The following KIF26B variants were observed in gnomAD, a reference collection of about 807,000 sequenced individuals.
KIF26B encodes kinesin family member 26B.
Under a neutral mutation model 151.2 loss-of-function variants are expected in KIF26B, and 63 were observed. The observed-to-expected ratio is 0.42, with a 90% CI of 0.34 to 0.51. KIF26B has a LOEUF of 0.51. Ranked by LOEUF, KIF26B falls within the 20% of genes least tolerant of loss-of-function variation. The pLI is 0.07. For missense variants in KIF26B, 2,813 were observed against 2,913.6 expected (o/e 0.97, Z 0.79); for synonymous variants, 1,357 against 1,262.1 (o/e 1.08, Z -1.59).
At chr1:245,379,638 A>G (rs1673357076) in intron 3 of KIF26B, among the ~76,000 whole-genome samples, 1 of 151,872 alleles carries the variant, frequency 6.6e-6, no homozygotes, top group South Asian at 2.1e-4. Flanking sequence ...TTCTTTTAAA[A>G]TTATTATATA....
chr1:245,165,879 G>A (rs533526704), intron 2 of KIF26B, among the ~76,000 whole-genome samples: 7 of 152,194 alleles, frequency 4.6e-5, no homozygotes, highest in Admixed American at 6.5e-5. Flanking sequence ...CTGGTGCCCT[G>A]GAGAAAGCCA....
At position 245,694,577 on chromosome 1, in the gene KIF26B, T is replaced by C. The variant is rs189039406; in HGVS notation, c.5825-3529T>C. 2.0e-5 allele frequency among the ~76,000 whole-genome samples: 3 copies of C among 152,192 alleles called. No homozygotes were observed. In the East Asian group the frequency reaches 5.8e-4, roughly 30 times the overall value. On this transcript the variant is annotated intron_variant, in intron 12 of 14. Coordinates refer to ENST00000407071, the MANE Select transcript of KIF26B (RefSeq NM_018012.4). ...GGACTTCTGTCTGGACTCAGGGATG[T>C]TAAGAGTAGAAGGCCCAATGTCAGC...
At chr1:245,671,555 G>A (rs2044286594) in intron 10 of KIF26B, among the ~76,000 whole-genome samples, 1 of 152,184 alleles carries the variant, frequency 6.6e-6, no homozygotes, top group Non-Finnish European at 1.5e-5. Flanking sequence ...AGGATGTGAT[G>A]GTTGCACAAC....
chr1:245,288,195 A>G (rs1335793846), intron 2 of KIF26B, among the ~76,000 whole-genome samples: 1 of 152,116 alleles, frequency 6.6e-6, no homozygotes, highest in Non-Finnish European at 1.5e-5. Flanking sequence ...TGAGGCCATC[A>G]TGTTCCATTC....
At chr1:245,677,696 T>G (rs1044882774) in intron 10 of KIF26B, among the ~76,000 whole-genome samples, 2 of 152,214 alleles carry the variant, frequency 1.3e-5, no homozygotes, top group Non-Finnish European at 2.9e-5. Context: ...GCGTCCAAAG[T>G]CTTGCCTCAA....
At chr1:245,447,977 A>C (rs190379175) in intron 4 of KIF26B, among the ~76,000 whole-genome samples, 1 of 152,256 alleles carries the variant, frequency 6.6e-6, no homozygotes, top group Admixed American at 6.5e-5. Flanking sequence ...CTGCTACCCT[A>C]CCACCAGCTC....
chr1:245,609,526 C>A lies in KIF26B; in HGVS notation c.1912C>A (p.Gln638Lys). Reference sequence around the variant, plus strand: ...CTGTGAGGACCCCATCTGCGGCACGCAGGTGATTGCTTCTGAAGCCTGGCT... The same window carrying A: ...CTGTGAGGACCCCATCTGCGGCACGAAGGTGATTGCTTCTGAAGCCTGGCT... ...YLCEDPICGT[Q>K]LQNQSELRAP... Residue 638 changes from glutamine (Q) to lysine (K), a missense_variant and splice_region_variant, in exon 8 of 15, where the codon CAG becomes AAG. Around this residue, in one of 3 missense-constraint regions of KIF26B, gnomAD observed 2,060 missense variants for 2,088.6 expected, o/e 0.99. Transcript: ENST00000407071. The A allele has an allele frequency of 6.5e-7, 1 of 1,536,000 alleles. No individual in the cohort carries two copies. The highest frequency in any genetic ancestry group is 8.8e-7 in the Non-Finnish European group (1 of 1,139,990).
chr1:245,621,544 T>G (rs1252169774), intron 9 of KIF26B, among the ~76,000 whole-genome samples: 1 of 152,188 alleles, frequency 6.6e-6, no homozygotes, highest in Non-Finnish European at 1.5e-5. Context: ...AAATATTGCA[T>G]ATTAGAATAT....
rs750021992 is a variant in KIF26B at position 245,686,292 on chromosome 1, A to G, written c.3309A>G (p.Pro1103=). The change falls in exon 12 of 15, where the codon CCA becomes CCG. Residue 1103 remains proline (P), a synonymous_variant. Coordinates refer to ENST00000407071, the MANE Select transcript of KIF26B (RefSeq NM_018012.4). The surrounding 1 kb of genome is among the most constrained non-coding windows in gnomAD (Gnocchi z 5.6). ...AGGGGGTCCTGCCGTCTCCCGCCCC[A>G]CTGCCTCCCTCGAGCAAGGATTCCG... is the stretch of plus-strand genomic sequence containing the variant. ...TQKGVLPSPA[P]LPPSSKDSGV... is the part of the protein sequence containing the mutation. 19 of 1,612,868 alleles carry G rather than the reference A, an allele frequency of 1.2e-5. No homozygotes were observed. Among genetic ancestry groups the G allele is most frequent in the Non-Finnish European group, 4.2e-6 (5 of 1,179,876 alleles).
intron 3 of KIF26B, among the ~76,000 whole-genome samples, chr1:245,413,321 T>A (rs1472275755): frequency 6.6e-6 from 1 of 152,174 alleles, no homozygotes; most frequent in Non-Finnish European, 1.5e-5. Context: ...AGAGAAGAAA[T>A]AAATTCCTAA....
intron 3 of KIF26B, among the ~76,000 whole-genome samples, chr1:245,377,921 C>A: frequency 6.6e-6 from 1 of 152,078 alleles, no homozygotes; most frequent in Non-Finnish European, 1.5e-5. Context: ...AAGAGCCAGA[C>A]AAAATGAAAA....
At chr1:245,280,537 A>AAAAAAAAAGAAAG (rs752454576) in intron 2 of KIF26B, among the ~76,000 whole-genome samples, 1 of 123,660 alleles carries the variant, frequency 8.1e-6, no homozygotes, top group Non-Finnish European at 1.8e-5. Flanking sequence ...TCTCAAAAAA[A>AAAAAAAAAGAAAG]AAAAGAAAAG....
At position 245,668,677 on chromosome 1, in the gene KIF26B, GTTTCTTTTCT is replaced by G. The variant is rs112851269; in HGVS notation, c.2259-15537_2259-15528del. Among the ~76,000 whole-genome samples, 408 of 151,384 alleles carry G rather than the reference GTTTCTTTTCT, an allele frequency of 2.7e-3. 1 individual carries two copies. The highest frequency in any genetic ancestry group is 6.8e-3 in the Middle Eastern group (2 of 294). Reference sequence around the variant, plus strand: ...AGAACTGTAGGATCATGGAGATCATGTTTCTTTTCTTTTCTTTTCTTTTCTTTTTTTGAGA... The same window carrying G: ...AGAACTGTAGGATCATGGAGATCATGTTTCTTTTCTTTTCTTTTTTTGAGA... On this transcript the variant is annotated intron_variant, in intron 10 of 14. Transcript: ENST00000407071.
At chr1:245,619,997 A>G (rs1420393869) in intron 9 of KIF26B, among the ~76,000 whole-genome samples, 1 of 151,920 alleles carries the variant, frequency 6.6e-6, no homozygotes, top group Non-Finnish European at 1.5e-5. Flanking sequence ...AGACCACCCA[A>G]TTACCTTTCA....
At position 245,419,600 on chromosome 1, in the gene KIF26B, A is replaced by G. The variant is rs1019103638; in HGVS notation, c.1021A>G (p.Ser341Gly). Residue 341 changes from serine to glycine, a missense_variant, in exon 4 of 15, where the codon AGT (serine) becomes GGT (glycine). By Grantham distance (56) the Ser-to-Gly change is moderately conservative (BLOSUM62 0). Coordinates refer to ENST00000407071, the MANE Select transcript of KIF26B (RefSeq NM_018012.4). ...TCAGATCTCCCAGCTGATGACAGAG[A>G]GTAGCCGGGAGGGACTAACAGAAGC... is the stretch of plus-strand genomic sequence containing the variant. ...PYQISQLMTESSREGLTEAVL... is the reference protein window; with the variant it reads ...PYQISQLMTEGSREGLTEAVL... 1.9e-6 allele frequency: 3 copies of G among 1,611,440 alleles called. No individual in the cohort carries two copies. Among genetic ancestry groups the G allele is most frequent in the African/African-American group, 2.7e-5 (2 of 74,834 alleles).
chr1:245,244,756 T>TCACTCACA lies in KIF26B; in HGVS notation c.465+88076_465+88077insTCACACAC, dbSNP rs1553338155. ...AGAAGGAACACACAGACACGCACAC[T>TCACTCACA]CACACACACACACACACACACACAC... On this transcript the variant is annotated intron_variant, in intron 2 of 14. Transcript: ENST00000407071. This position sits in a 1 kb window ranked among gnomAD's most constrained non-coding sequence, Gnocchi z 4.2. Among the ~76,000 whole-genome samples, 1 of 144,354 alleles carries TCACTCACA rather than the reference T, an allele frequency of 6.9e-6. No homozygotes were observed. The highest frequency in any genetic ancestry group is 7.0e-5 in the Admixed American group (1 of 14,216). The allele number at this position is 144,354 out of a possible 152,430, so 94.7% of individuals were successfully genotyped here.
chr1:245,254,969 T>C (rs1015877834), intron 2 of KIF26B, among the ~76,000 whole-genome samples: 3 of 152,226 alleles, frequency 2.0e-5, no homozygotes, highest in African/African-American at 4.8e-5. Flanking sequence ...AAAGTTCACA[T>C]GTTGGAAACT....
chr1:245,223,504 C>G (rs920224603), intron 2 of KIF26B, among the ~76,000 whole-genome samples: 1 of 152,196 alleles, frequency 6.6e-6, no homozygotes, highest in Non-Finnish European at 1.5e-5. Flanking sequence ...CGTCTCCAGT[C>G]AAGCCTTTCA....
chr1:245,324,829 T>C (rs1671954464), intron 2 of KIF26B, among the ~76,000 whole-genome samples: 1 of 151,828 alleles, frequency 6.6e-6, no homozygotes, highest in Non-Finnish European at 1.5e-5. Context: ...GCACGGTGGC[T>C]CATGCCTGTA....
Sources: gnomAD v4.1 joint callset for allele counts (sites outside exome capture counted in the v4.1 genomes callset) on GRCh38, gnomAD v4.1.1 for gene constraint, gnomAD v4.1.1 regional missense constraint, Gnocchi (gnomAD v3.1) non-coding constraint, MANE v1.5 for transcripts, NCBI Gene and HGNC (gene_info 2026-07-23, HGNC 2026-07-21) for gene names.